Variants in POLA1 observed in about 807,000 individuals in gnomAD.
POLA1 encodes DNA polymerase alpha catalytic subunit.
In POLA1, 15 loss-of-function variants were observed where a neutral mutation model predicts 124.0. That is an observed-to-expected ratio of 0.12 (90% CI 0.08 to 0.19). POLA1 has a LOEUF of 0.19. Ranked by LOEUF, POLA1 falls within the 10% of genes least tolerant of loss-of-function variation. POLA1 has a pLI of 1.00. For missense variants in POLA1, 886 were observed against 1,103.4 expected (o/e 0.80, Z 2.79); for synonymous variants, 408 against 389.4 (o/e 1.05, Z -0.56).
intron 26 of POLA1, 99 bp from the exon 27 acceptor site, chrX:24,809,799 T>G (rs891539311): frequency 2.0e-6 from 1 of 501,814 alleles, no homozygotes; most frequent in Non-Finnish European, 3.3e-6. Context: ...TAGAAATACA[T>G]GGAAATGGCA....
chrX:24,790,805 A>G (rs1297311391), intron 26 of POLA1, among the ~76,000 whole-genome samples: 1 of 108,070 alleles, frequency 9.3e-6, no homozygotes, highest in Non-Finnish European at 1.9e-5. Flanking sequence ...AGTTCAGTTT[A>G]ATAAGATTAG....
chrX:24,812,658 G>A lies in POLA1; in HGVS notation c.3091G>A (p.Val1031Ile). 3 of 1,153,348 alleles carry A rather than the reference G, an allele frequency of 2.6e-6. No individual in the cohort carries two copies. Among genetic ancestry groups the A allele is most frequent in the Middle Eastern group, 2.4e-4 (1 of 4,209 alleles). The change falls in exon 29 of 37, where the codon GTA becomes ATA. Residue 1031 changes from valine (V) to isoleucine (I), a missense_variant and splice_region_variant. By Grantham distance (29) the Val-to-Ile change is conservative (BLOSUM62 3). Coordinates refer to ENST00000379068, the MANE Select transcript of POLA1 (RefSeq NM_001330360.2). ...LEEVFKLGNK[V>I]KSEVNKLYKL... Reference sequence around the variant, plus strand: ...ATACTAATATTTGAAATTTTCACAGGTAAAAAGTGAAGTGAATAAGTTGTA... The same window carrying A: ...ATACTAATATTTGAAATTTTCACAGATAAAAAGTGAAGTGAATAAGTTGTA...
chrX:24,963,872 C>T (rs2048194550), intron 36 of POLA1, among the ~76,000 whole-genome samples: 1 of 111,901 alleles, frequency 8.9e-6, no homozygotes, highest in African/African-American at 3.2e-5. Flanking sequence ...CCCTGCCAGT[C>T]TGTTTTGGCA....
At chrX:24,783,753 G>A (rs906750878) in intron 26 of POLA1, among the ~76,000 whole-genome samples, 1 of 111,305 alleles carries the variant, frequency 9.0e-6, no homozygotes, top group Non-Finnish European at 1.9e-5. Flanking sequence ...CATTACTTGT[G>A]CAGATATCAG....
Position 24,757,436 on chromosome X carries a change from C to CTTTTTTTTTTTTTTTTTTTTTTT in POLA1, c.2964+8465_2964+8466insTTTTTTTTTTTTTTTTTTTTTTT, listed in dbSNP as rs66782103. 3.5e-4 allele frequency among the ~76,000 whole-genome samples: 22 copies of CTTTTTTTTTTTTTTTTTTTTTTT among 62,138 alleles called. 1 individual carries two copies. Among genetic ancestry groups the CTTTTTTTTTTTTTTTTTTTTTTT allele is most frequent in the African/African-American group, 1.4e-3 (17 of 12,224 alleles). The allele number at this position is 62,138 out of a possible 115,157, so 54.0% of individuals were successfully genotyped here. Reference sequence around the variant, plus strand: ...ATCTGAAATGCTCCAAAATCTGAAACTTTTTTTTTTTTTTTTTTTTTGAGA... The same window carrying CTTTTTTTTTTTTTTTTTTTTTTT: ...ATCTGAAATGCTCCAAAATCTGAAACTTTTTTTTTTTTTTTTTTTTTTTTTTTTTTTTTTTTTTTTTTTTGAGA... On this transcript the variant is annotated intron_variant, in intron 26 of 36. Coordinates refer to ENST00000379068, the MANE Select transcript of POLA1 (RefSeq NM_001330360.2).
intron 36 of POLA1, among the ~76,000 whole-genome samples, chrX:24,965,158 C>T (rs1339186157): frequency 8.9e-6 from 1 of 111,857 alleles, no homozygotes; most frequent in African/African-American, 3.3e-5. Flanking sequence ...ACTTTGGTAT[C>T]CGTTGTACAC....
chrX:24,978,114 G>C (rs1169775622), intron 36 of POLA1, among the ~76,000 whole-genome samples: 1 of 111,796 alleles, frequency 8.9e-6, no homozygotes, highest in East Asian at 2.8e-4. Context: ...ATTTGAGTGA[G>C]GATTTGGGAG....
In POLA1 at chrX:24,796,370, A is replaced by G. The variant is rs781613509; in HGVS notation, c.2965-13528A>G. 2.7e-5 allele frequency among the ~76,000 whole-genome samples: 3 copies of G among 111,454 alleles called. 1 individual carries two copies. Among genetic ancestry groups the G allele is most frequent in the African/African-American group, 9.8e-5 (3 of 30,636 alleles). ...CCACCTGTTAGGATCATTCTCATTA[A>G]AGGTCACTGTGTGGTGCCTGACTGT... On this transcript the variant is annotated intron_variant, in intron 26 of 36. Coordinates refer to ENST00000379068, the MANE Select transcript of POLA1 (RefSeq NM_001330360.2).
intron 35 of POLA1, among the ~76,000 whole-genome samples, chrX:24,905,715 A>G (rs1310172751): frequency 9.1e-6 from 1 of 110,018 alleles, no homozygotes; most frequent in Non-Finnish European, 1.9e-5. Flanking sequence ...GGCACTCACC[A>G]CCACGCCCGG....
intron 36 of POLA1, among the ~76,000 whole-genome samples, chrX:24,985,468 C>T (rs771964052): frequency 1.8e-5 from 2 of 113,111 alleles, no homozygotes; most frequent in Non-Finnish European, 3.7e-5. Context: ...GAGTCAGTAC[C>T]TGGCCACTCT....
rs1412511950 is a variant in POLA1, at chrX:24,843,391, T to G, written c.3916-155T>G. 9.8e-5 allele frequency among the ~76,000 whole-genome samples: 11 copies of G among 112,118 alleles called. No individual in the cohort carries two copies. The Admixed American group carries it at 1.0e-3, about 11-fold the overall frequency. The stretch of plus-strand genomic sequence containing the variant: ...GAAGGTATGTATGACTAAAGCGGTC[T>G]TTGGGAGGAAAATAATTGAGAAGAT... On this transcript the variant is annotated intron_variant, in intron 33 of 36. Transcript: ENST00000379068.
At chrX:24,825,699 C>A (rs919596597) in intron 31 of POLA1, among the ~76,000 whole-genome samples, 6 of 111,191 alleles carry the variant, frequency 5.4e-5, no homozygotes, top group South Asian at 3.8e-4. Context: ...AAAGAGAAAA[C>A]CCTTGAAAAG....
At chrX:24,824,484 C>CA (rs1246397309) in intron 31 of POLA1, among the ~76,000 whole-genome samples, 126 of 63,084 alleles carry the variant, frequency 2.0e-3, no homozygotes, top group East Asian at 7.0e-3. Context: ...TTTTTTTGGT[C>CA]AAAAAAAAAA....
intron 35 of POLA1, among the ~76,000 whole-genome samples, chrX:24,911,068 AAG>A (rs768616855): frequency 1.8e-5 from 2 of 112,437 alleles, no homozygotes; most frequent in Non-Finnish European, 3.8e-5. Flanking sequence ...AAATCAATAA[AAG>A]AGTGATAACA....
chrX:24,781,071 A>G (rs1437267355), intron 26 of POLA1, among the ~76,000 whole-genome samples: 1 of 112,428 alleles, frequency 8.9e-6, no homozygotes. Flanking sequence ...ATTTATTGGC[A>G]CGAAGTTTTT....
chrX:24,816,976 TATTC>T (rs777782845), intron 30 of POLA1, among the ~76,000 whole-genome samples: 1 of 112,327 alleles, frequency 8.9e-6, no homozygotes, highest in South Asian at 3.7e-4. Flanking sequence ...GATCCTCATG[TATTC>T]ATTAGTCAGC....
intron 35 of POLA1, among the ~76,000 whole-genome samples, chrX:24,896,502 CTGTTT>C (rs760326712): frequency 9.0e-6 from 1 of 111,184 alleles, no homozygotes; most frequent in African/African-American, 3.3e-5. Flanking sequence ...TGCGATTTTG[CTGTTT>C]TGTTTTGTTT....
chrX:24,855,261 GTGT>G (rs984984077), intron 34 of POLA1, among the ~76,000 whole-genome samples: 6 of 111,469 alleles, frequency 5.4e-5, no homozygotes, highest in African/African-American at 1.6e-4. Flanking sequence ...GGGGGGAGGG[GTGT>G]TGTTTGCATT....
At chrX:24,790,820 G>A (rs2045475420) in intron 26 of POLA1, among the ~76,000 whole-genome samples, 1 of 107,022 alleles carries the variant, frequency 9.3e-6, no homozygotes, top group Admixed American at 1.0e-4. Flanking sequence ...GATTAGATAT[G>A]AGAAATTAGT....
Sources: allele counts gnomAD v4.1 joint callset (sites outside exome capture counted in the v4.1 genomes callset), GRCh38; gene constraint gnomAD v4.1.1; transcripts MANE v1.5; gene names NCBI Gene and HGNC (gene_info 2026-07-23, HGNC 2026-07-21).